Variants in ZCCHC2 observed in about 807,000 individuals in gnomAD.
ZCCHC2 encodes the protein zinc finger CCHC-type containing 2, also known as zinc finger CCHC domain-containing protein 2.
In ZCCHC2, 39 loss-of-function variants were observed where a neutral mutation model predicts 103.6. The ratio of observed to expected loss-of-function variants is 0.38; its 90% CI spans 0.29 to 0.49. The LOEUF is 0.49. Among genes scored for constraint, ZCCHC2 ranks in the 20% least tolerant of loss-of-function variants. The pLI is 0.96. For missense variants in ZCCHC2, 1,483 were observed against 1,491.0 expected, an observed-to-expected ratio of 0.99 and a Z score of 0.09; for synonymous variants, 687 against 608.9, an observed-to-expected ratio of 1.13 and a Z score of -1.89.
In ZCCHC2 at chr18:62,544,867, A is replaced by C. The variant is rs191241911; in HGVS notation, c.1194A>C (p.Leu398=). The change falls in exon 4 of 14, where the codon CTA becomes CTC. Residue 398 remains leucine, a synonymous_variant. Coordinates refer to ENST00000269499, the MANE Select transcript of ZCCHC2 (RefSeq NM_017742.6). ...CCCACCAAGAACTACAGGAATTTCT[A>C]CTGAAGGTAAAATATAGATTTTGTT... ...TKTHQELQEF[L]LKLPKELSSE... 7,350 of 1,536,018 alleles carry C rather than the reference A, an allele frequency of 4.8e-3. 23 individuals are homozygous for C. The highest frequency in any genetic ancestry group is 5.6e-3 in the Non-Finnish European group (6,424 of 1,144,070).
At chr18:62,552,537 G>A (rs993428636) in intron 5 of ZCCHC2, 1 of 152,088 alleles carries the variant, frequency 6.6e-6, no homozygotes, top group African/African-American at 2.4e-5. Flanking sequence ...GAGATTTTCA[G>A]AAGGAAAAAA....
chr18:62,572,914 C>A (rs1044261379), intron 12 of ZCCHC2, among the ~76,000 whole-genome samples: 11 of 152,208 alleles, frequency 7.2e-5, no homozygotes, highest in Admixed American at 5.9e-4. Context: ...GCAAGAAATA[C>A]CCCAATTATT....
At chr18:62,576,366 A>C (rs1243306228) in intron 13 of ZCCHC2, 146 bp from the exon 14 acceptor site, 1 of 609,326 alleles carries the variant, frequency 1.6e-6, no homozygotes, top group African/African-American at 1.8e-5. Context: ...ATTGCTTTTT[A>C]AAGTGAGCGG....
intron 5 of ZCCHC2, among the ~76,000 whole-genome samples, chr18:62,555,531 A>C (rs1214277419): frequency 6.6e-6 from 1 of 152,214 alleles, no homozygotes; most frequent in Non-Finnish European, 1.5e-5. Flanking sequence ...GCCAAAGGCC[A>C]GGCTCAGTGG....
intron 7 of ZCCHC2, among the ~76,000 whole-genome samples, chr18:62,559,845 A>G (rs1916041254): frequency 2.0e-5 from 3 of 151,982 alleles, no homozygotes; most frequent in Non-Finnish European, 1.5e-5. Context: ...CTGTGAGCTG[A>G]AAGTATTTGG....
chr18:62,527,771 G>T (rs905427194), intron 1 of ZCCHC2, among the ~76,000 whole-genome samples: 1 of 152,176 alleles, frequency 6.6e-6, no homozygotes, highest in Admixed American at 6.5e-5. Flanking sequence ...TAGCATAGCT[G>T]AAAACGCTTG....
chr18:62,544,970 A>G, intron 4 of ZCCHC2, 97 bp downstream of exon 4: 2 of 998,274 alleles, frequency 2.0e-6, no homozygotes, highest in Non-Finnish European at 2.8e-6. Context: ...TAAAACATAC[A>G]GATAAAGGTT....
intron 12 of ZCCHC2, among the ~76,000 whole-genome samples, chr18:62,573,416 G>A (rs540182562): frequency 3.3e-5 from 5 of 152,190 alleles, no homozygotes; most frequent in African/African-American, 1.2e-4. Flanking sequence ...TTGCTGTTTT[G>A]CTGTTTTGAT....
intron 1 of ZCCHC2, among the ~76,000 whole-genome samples, chr18:62,534,309 C>CT (rs201570754): frequency 0.028 from 2,761 of 99,320 alleles, 33 homozygotes; most frequent in South Asian, 0.049. Context: ...GAGATCCTGT[C>CT]TTAAAAAAAA....
At chr18:62,559,933 G>A (rs1438802584) in intron 7 of ZCCHC2, among the ~76,000 whole-genome samples, 1 of 152,124 alleles carries the variant, frequency 6.6e-6, no homozygotes, top group Non-Finnish European at 1.5e-5. Flanking sequence ...CATTGTACTA[G>A]GTATTATAAG....
intron 7 of ZCCHC2, 74 bp from the exon 8 acceptor site, chr18:62,560,513 C>G: frequency 8.1e-7 from 1 of 1,236,364 alleles, no homozygotes; most frequent in Non-Finnish European, 1.2e-6. Context: ...TATGATCATA[C>G]AAACTAGTAG....
intron 9 of ZCCHC2, among the ~76,000 whole-genome samples, chr18:62,563,769 A>T (rs918263762): frequency 4.6e-5 from 7 of 152,218 alleles, no homozygotes; most frequent in Non-Finnish European, 4.4e-5. Context: ...AAGAATTAGA[A>T]TTCAGATTTC....
intron 14 of ZCCHC2, among the ~76,000 whole-genome samples, chr18:62,584,152 G>C (rs1370063496): frequency 2.0e-5 from 3 of 152,150 alleles, no homozygotes. Context: ...TTGGAACATG[G>C]GTACACATCA....
chr18:62,555,232 C>A (rs938456), intron 5 of ZCCHC2, among the ~76,000 whole-genome samples: 22,457 of 152,094 alleles, frequency 0.15, 2,382 homozygotes, highest in African/African-American at 0.3. Context: ...TGCTCTAATT[C>A]TTTGCCCAAG....
At chr18:62,579,908 T>C (rs1299723279), downstream of ZCCHC2, among the ~76,000 whole-genome samples, 2 of 152,056 alleles carry the variant, frequency 1.3e-5, no homozygotes, top group Non-Finnish European at 2.9e-5. Context: ...TTTTGGTACT[T>C]TTAGTAGAGA....
intron 4 of ZCCHC2, 33 bp downstream of exon 4, chr18:62,544,906 T>C (rs1365476725): frequency 6.8e-7 from 1 of 1,476,648 alleles, no homozygotes; most frequent in East Asian, 2.5e-5. Flanking sequence ...AAAATGATTT[T>C]TATATAATAT....
At chr18:62,536,518 A>G (rs1281331646) in intron 1 of ZCCHC2, among the ~76,000 whole-genome samples, 4 of 152,176 alleles carry the variant, frequency 2.6e-5, no homozygotes, top group Non-Finnish European at 5.9e-5. Flanking sequence ...TCCTCTTTAT[A>G]TGATTCCATT....
intron 12 of ZCCHC2, among the ~76,000 whole-genome samples, chr18:62,571,888 T>C (rs758417805): frequency 2.3e-4 from 35 of 152,250 alleles, no homozygotes; most frequent in Non-Finnish European, 4.1e-4. Context: ...CTACATGATA[T>C]ACAATTAAAG....
chr18:62,580,473 T>C (rs11152351), downstream of ZCCHC2, among the ~76,000 whole-genome samples: 64,807 of 98,814 alleles, frequency 0.66, 20,950 homozygotes, highest in East Asian at 1. Context: ...TAGTAGAGAA[T>C]CCTGAATGGG....
Sources: allele counts gnomAD v4.1 joint callset (sites outside exome capture counted in the v4.1 genomes callset), GRCh38; gene constraint gnomAD v4.1.1; transcripts MANE v1.5; gene names NCBI Gene and HGNC (gene_info 2026-07-23, HGNC 2026-07-21).